The following STK31 variants were observed in gnomAD, a reference collection of about 807,000 sequenced individuals.
STK31 encodes the protein serine/threonine-protein kinase 31.
Under a neutral mutation model 129.7 loss-of-function variants are expected in STK31, and 89 were observed. That is an observed-to-expected ratio of 0.69 (90% CI 0.58 to 0.82). STK31 has a LOEUF of 0.82. Ranked by LOEUF, STK31 falls within the 40% of genes least tolerant of loss-of-function variation. The probability of loss-of-function intolerance (pLI) is 0.00; values close to 1 mark genes in which losing one functional copy is unlikely to be tolerated. For synonymous variants in STK31, 448 were observed against 395.3 expected (o/e 1.13, Z -1.58); for missense variants, 1,187 against 1,176.4 (o/e 1.01, Z -0.13).
intron 22 of STK31, among the ~76,000 whole-genome samples, chr7:23,801,045 A>G (rs73084751): frequency 0.018 from 2,709 of 152,242 alleles, 42 homozygotes; most frequent in Non-Finnish European, 0.028. Context: ...TGTGAACGTA[A>G]GTTTTTGTTT....
At chr7:23,731,780 TGA>T (rs1562555883) in intron 6 of STK31, among the ~76,000 whole-genome samples, 2 of 152,212 alleles carry the variant, frequency 1.3e-5, no homozygotes, top group African/African-American at 4.8e-5. Context: ...GGTAAGGGAA[TGA>T]GAGCTAGAGC....
chr7:23,730,494 T>C (rs550291169), intron 6 of STK31, among the ~76,000 whole-genome samples: 3 of 152,284 alleles, frequency 2.0e-5, no homozygotes, highest in African/African-American at 7.2e-5. Flanking sequence ...ATATAAATGC[T>C]TTGACCAAGG....
At chr7:23,809,053 G>C (rs542385833) in intron 22 of STK31, among the ~76,000 whole-genome samples, 4 of 151,606 alleles carry the variant, frequency 2.6e-5, no homozygotes, top group African/African-American at 9.7e-5. Context: ...AAAGCCCAGG[G>C]AACTCACCAT....
At chr7:23,725,037 C>T (rs1786968413) in intron 4 of STK31, among the ~76,000 whole-genome samples, 1 of 152,172 alleles carries the variant, frequency 6.6e-6, no homozygotes, top group Non-Finnish European at 1.5e-5. Context: ...CATTTTTAGA[C>T]CTGTTTTCTC....
chr7:23,781,361 TAAA>T lies in STK31; in HGVS notation c.1966-56_1966-54del, dbSNP rs1790911965. 12 of 1,315,056 alleles carry T rather than the reference TAAA, an allele frequency of 9.1e-6. No homozygotes were observed. In the South Asian group the frequency reaches 1.5e-4, roughly 17 times the overall value. 81.5% of individuals were successfully genotyped at this position (1,315,056 alleles called of 1,614,324 possible). On this transcript the variant is annotated intron_variant, in intron 15 of 23. Transcript: ENST00000355870. Reference sequence around the variant, plus strand: ...TAATTTACTATAGAACTTGAATTCTTAAAAGAAGACTTGTTTTCTCTATGTTAA... The same window carrying T: ...TAATTTACTATAGAACTTGAATTCTTAGAAGACTTGTTTTCTCTATGTTAA...
intron 23 of STK31, 88 bp from the exon 24 acceptor site, chr7:23,832,048 A>T (rs1794582054): frequency 1.1e-6 from 1 of 909,792 alleles, no homozygotes; most frequent in Admixed American, 2.3e-5. Flanking sequence ...TCCTGACTGT[A>T]TTTATTGAAA....
intron 20 of STK31, among the ~76,000 whole-genome samples, chr7:23,787,529 T>C (rs535690714): frequency 6.6e-6 from 1 of 152,222 alleles, no homozygotes; most frequent in South Asian, 2.1e-4. Context: ...TGAGCTCCAC[T>C]TCCTGTAAGA....
Position 23,814,246 on chromosome 7 carries a change from T to C in STK31, c.2761-898T>C, listed in dbSNP as rs79913925. ...CTTCAACTAGTTTTTCTTCCTTTTT[T>C]AAACCTTTCAGTGTTTTCCTTTGGT... On this transcript the variant is annotated intron_variant, in intron 22 of 23. Coordinates refer to ENST00000355870, the MANE Select transcript of STK31 (RefSeq NM_031414.5). 6.8e-3 allele frequency among the ~76,000 whole-genome samples: 1,030 copies of C among 151,370 alleles called. 73 individuals carry two copies. The East Asian group carries it at 0.18, about 26-fold the overall frequency.
chr7:23,781,384 T>C (rs758195696), intron 15 of STK31, 35 bp from the exon 16 acceptor site: 11 of 1,488,538 alleles, frequency 7.4e-6, no homozygotes, highest in African/African-American at 5.6e-5. Context: ...GTTTTCTCTA[T>C]GTTAATAAAA....
intron 5 of STK31, among the ~76,000 whole-genome samples, chr7:23,728,510 C>A (rs1584340148): frequency 6.6e-6 from 1 of 152,070 alleles, no homozygotes; most frequent in Admixed American, 6.6e-5. Context: ...TGATATTTTA[C>A]ATATGTTTTT....
At chr7:23,827,882 A>G (rs1794272685) in intron 23 of STK31, among the ~76,000 whole-genome samples, 1 of 152,178 alleles carries the variant, frequency 6.6e-6, no homozygotes, top group Non-Finnish European at 1.5e-5. Flanking sequence ...TTGTCTAGGT[A>G]TCAGCAGTGG....
chr7:23,807,335 G>T (rs571788770), intron 22 of STK31, among the ~76,000 whole-genome samples: 1 of 152,200 alleles, frequency 6.6e-6, no homozygotes, highest in East Asian at 1.9e-4. Flanking sequence ...TTCTGGATTG[G>T]TAGTTCTTTT....
At position 23,773,289 on chromosome 7, in the gene STK31, G is replaced by A. The variant is rs149470848; in HGVS notation, c.1965+1011G>A. Among the ~76,000 whole-genome samples the A allele has an allele frequency of 7.5e-3, 1,140 of 152,142 alleles. 15 individuals are homozygous for A. The highest frequency in any genetic ancestry group is 0.027 in the African/African-American group (1,104 of 41,494). On this transcript the variant is annotated intron_variant, in intron 15 of 23. Coordinates refer to ENST00000355870, the MANE Select transcript of STK31 (RefSeq NM_031414.5). ...CCTCATCTTATGAGTGAGAACATGC[G>A]GTGTTTGGTTTTCTGTTCCTGTGTT...
intron 15 of STK31, among the ~76,000 whole-genome samples, chr7:23,774,969 GT>G (rs1790446163): frequency 6.6e-6 from 1 of 152,148 alleles, no homozygotes; most frequent in Non-Finnish European, 1.5e-5. Flanking sequence ...TGTAAGGAAG[GT>G]ATCCAGTTTC....
At chr7:23,797,351 C>G (rs1013551278) in intron 22 of STK31, among the ~76,000 whole-genome samples, 2 of 152,086 alleles carry the variant, frequency 1.3e-5, no homozygotes, top group Admixed American at 1.3e-4. Flanking sequence ...CAGAAATTGA[C>G]CACATTATTG....
At chr7:23,812,671 C>T (rs1370718954) in intron 22 of STK31, among the ~76,000 whole-genome samples, 1 of 151,948 alleles carries the variant, frequency 6.6e-6, no homozygotes, top group Non-Finnish European at 1.5e-5. Context: ...CTTTCCCACC[C>T]TCCCACCTTT....
intron 8 of STK31, among the ~76,000 whole-genome samples, chr7:23,748,564 G>A (rs1312921193): frequency 6.6e-6 from 1 of 152,080 alleles, no homozygotes; most frequent in Non-Finnish European, 1.5e-5. Context: ...CTCTGCCATC[G>A]GTGAGATAGG....
intron 6 of STK31, among the ~76,000 whole-genome samples, chr7:23,730,870 A>ATG (rs1263694532): frequency 6.6e-5 from 3 of 45,302 alleles, no homozygotes; most frequent in Non-Finnish European, 1.5e-4. Context: ...ATATATATAT[A>ATG]TATATATATT....
intron 8 of STK31, among the ~76,000 whole-genome samples, chr7:23,737,857 ATAAGTG>A (rs1479769444): frequency 1.2e-4 from 14 of 115,320 alleles, no homozygotes; most frequent in African/African-American, 2.5e-4. Flanking sequence ...AGTGTGGTTG[ATAAGTG>A]TGTGTGTGTG....
Sources: gnomAD v4.1 joint callset for allele counts (sites outside exome capture counted in the v4.1 genomes callset) on GRCh38, gnomAD v4.1.1 for gene constraint, MANE v1.5 for transcripts, NCBI Gene and HGNC (gene_info 2026-07-23, HGNC 2026-07-21) for gene names.